The following COL23A1 variants were observed in gnomAD, a reference collection of about 807,000 sequenced individuals.
COL23A1 encodes the protein collagen alpha-1(XXIII) chain.
In COL23A1, 97 loss-of-function variants were observed where a neutral mutation model predicts 99.3. That is an observed-to-expected ratio of 0.98 (90% CI 0.83 to 1.16). COL23A1 has a LOEUF of 1.16. Ranked by LOEUF, COL23A1 falls within the 50% of genes most tolerant of loss-of-function variation. The probability of loss-of-function intolerance (pLI) is 0.00; values close to 1 mark genes in which losing one functional copy is unlikely to be tolerated. For missense variants in COL23A1, 762 were observed against 757.4 expected (o/e 1.01, Z -0.07); for synonymous variants, 320 against 308.2 (o/e 1.04, Z -0.40).
At chr5:178,435,479 G>A (rs1766506731) in intron 2 of COL23A1, among the ~76,000 whole-genome samples, 1 of 152,220 alleles carries the variant, frequency 6.6e-6, no homozygotes, top group Admixed American at 6.5e-5. Flanking sequence ...GCCCAGCCCT[G>A]GGGTGCAGAC....
chr5:178,487,690 A>C (rs920339440), intron 2 of COL23A1, among the ~76,000 whole-genome samples: 6 of 152,196 alleles, frequency 3.9e-5, no homozygotes, highest in South Asian at 2.1e-4. Context: ...GAAAACTGGG[A>C]GGATGGATAA....
chr5:178,476,905 T>C lies in COL23A1; in HGVS notation c.361+83777A>G, dbSNP rs539680590. Among the ~76,000 whole-genome samples the C allele has an allele frequency of 1.4e-4, 22 of 152,350 alleles. No individual in the cohort carries two copies. In the South Asian group the frequency reaches 2.5e-3, roughly 17 times the overall value. ...CATGACTTAAACTACTTCTCTGAGA[T>C]TCCAAATATAAAGTGGTAGAGCCAG... On this transcript the variant is annotated intron_variant, in intron 2 of 28. Transcript: ENST00000390654.
At chr5:178,333,902 C>T (rs1264951648) in intron 2 of COL23A1, among the ~76,000 whole-genome samples, 4 of 152,134 alleles carry the variant, frequency 2.6e-5, no homozygotes, top group African/African-American at 7.2e-5. Context: ...GGACAGGGCC[C>T]GTGAGGTAGC....
chr5:178,249,960 T>C lies in COL23A1; in HGVS notation c.1059+101A>G, dbSNP rs1764940802. On this transcript the variant is annotated intron_variant, in intron 18 of 28. Transcript: ENST00000390654. ...TTGATTTTCTCACACATGGTGTTTC[T>C]CTAACTCTGTGCACACATGCACACG... 3.5e-6 allele frequency: 5 copies of C among 1,440,256 alleles called. No homozygotes were observed. The Admixed American group carries it at 8.5e-5, about 25-fold the overall frequency. The allele number at this position is 1,440,256 out of a possible 1,614,324, so 89.2% of individuals were successfully genotyped here. A position where few individuals can be genotyped will look rare whatever the true frequency, so the allele number is the denominator to read the frequency against.
At chr5:178,514,422 C>T (rs1004859345) in intron 2 of COL23A1, among the ~76,000 whole-genome samples, 6 of 152,194 alleles carry the variant, frequency 3.9e-5, no homozygotes, top group African/African-American at 1.4e-4. Flanking sequence ...GGAGTATATC[C>T]CCAACAGTGG....
intron 2 of COL23A1, among the ~76,000 whole-genome samples, chr5:178,548,067 T>C (rs1448270288): frequency 4.1e-3 from 28 of 6,764 alleles, no homozygotes; most frequent in Admixed American, 4.7e-3. Flanking sequence ...ATACCCCCCC[T>C]CACCCCCACA....
At chr5:178,358,286 G>GTA (rs1761901485) in intron 2 of COL23A1, among the ~76,000 whole-genome samples, 2 of 131,220 alleles carry the variant, frequency 1.5e-5, no homozygotes, top group African/African-American at 6.3e-5. Context: ...GTGTATGCGT[G>GTA]TGCGTATATG....
intron 2 of COL23A1, among the ~76,000 whole-genome samples, chr5:178,358,564 A>G (rs577350750): frequency 8.3e-5 from 11 of 132,840 alleles, no homozygotes; most frequent in East Asian, 6.7e-4. Flanking sequence ...GTACGTGTGT[A>G]TGTCTAATGT....
At chr5:178,579,183 C>T (rs1214900152) in intron 1 of COL23A1, among the ~76,000 whole-genome samples, 1 of 152,084 alleles carries the variant, frequency 6.6e-6, no homozygotes, top group Non-Finnish European at 1.5e-5. Context: ...CATGGGACCT[C>T]GATTAGCAAA....
At chr5:178,552,263 C>G (rs529428882) in intron 2 of COL23A1, among the ~76,000 whole-genome samples, 2 of 152,184 alleles carry the variant, frequency 1.3e-5, no homozygotes, top group South Asian at 4.2e-4. Context: ...AATAGCTCCC[C>G]CAGGACCAGC....
chr5:178,580,384 C>G (rs1176758098), intron 1 of COL23A1, among the ~76,000 whole-genome samples: 3 of 149,666 alleles, frequency 2.0e-5, no homozygotes, highest in African/African-American at 7.3e-5. Flanking sequence ...CTGCCCAGGA[C>G]ACACATGGGA....
rs934702176 is a variant in COL23A1, at chr5:178,544,022, C to T, written c.361+16660G>A. On this transcript the variant is annotated intron_variant, in intron 2 of 28. Transcript: ENST00000390654. The surrounding 1 kb of genome is among the most constrained non-coding windows in gnomAD (Gnocchi z 4.4). ...GGCACTAATCCCATCACAAGGGCTC[C>T]ACTCTCATACCCTAATCACCTCCTA... 6.6e-6 allele frequency among the ~76,000 whole-genome samples: 1 copy of T among 152,052 alleles called. No individual in the cohort carries two copies. The highest frequency in any genetic ancestry group is 6.6e-5 in the Admixed American group (1 of 15,256).
rs986400377 is a variant in COL23A1 at position 178,340,779 on chromosome 5, G to A, written c.362-33860C>T. On this transcript the variant is annotated intron_variant, in intron 2 of 28. Coordinates refer to ENST00000390654, the MANE Select transcript of COL23A1 (RefSeq NM_173465.4). This position sits in a 1 kb window ranked among gnomAD's most constrained non-coding sequence, Gnocchi z 4.7. ...CGGGAATGGAGGTGGCCGGGGCAAG[G>A]CCTGGCTTTTCTTACATGGTGCTCC... 1.6e-4 allele frequency among the ~76,000 whole-genome samples: 24 copies of A among 152,254 alleles called. No homozygotes were observed. The highest frequency in any genetic ancestry group is 5.5e-4 in the African/African-American group (23 of 41,470).
intron 2 of COL23A1, among the ~76,000 whole-genome samples, chr5:178,545,258 C>G (rs920686954): frequency 6.6e-6 from 1 of 152,182 alleles, no homozygotes; most frequent in East Asian, 1.9e-4. Flanking sequence ...AGCCCCCACG[C>G]CCCTCACAGT....
At chr5:178,475,019 A>G (rs887278853) in intron 2 of COL23A1, among the ~76,000 whole-genome samples, 5 of 152,050 alleles carry the variant, frequency 3.3e-5, no homozygotes, top group Non-Finnish European at 7.4e-5. Context: ...GGCTTTGTAG[A>G]TCCATCACTG....
chr5:178,564,920 C>T (rs1203539409), intron 1 of COL23A1, among the ~76,000 whole-genome samples: 1 of 152,206 alleles, frequency 6.6e-6, no homozygotes. Context: ...AAAATTCCTA[C>T]TCTGGAGAAT....
rs571027566 is a variant in COL23A1, at chr5:178,280,667, T to C, written c.441+7657A>G. The stretch of plus-strand genomic sequence containing the variant: ...GATGCTGTGGGGCTGGTCTGTTGCC[T>C]GGGGAAGTGGGAGGCGGTTCCAGCC... On this transcript the variant is annotated intron_variant, in intron 5 of 28. Transcript: ENST00000390654. This position sits in a 1 kb window ranked among gnomAD's most constrained non-coding sequence, Gnocchi z 4.9. Among the ~76,000 whole-genome samples the C allele has an allele frequency of 1.3e-3, 196 of 152,240 alleles. No individual in the cohort carries two copies. Among genetic ancestry groups the C allele is most frequent in the Non-Finnish European group, 2.4e-3 (165 of 68,012 alleles).
At chr5:178,315,152 C>T (rs562020749) in intron 2 of COL23A1, among the ~76,000 whole-genome samples, 201 of 152,196 alleles carry the variant, frequency 1.3e-3, no homozygotes, top group African/African-American at 4.7e-3. Context: ...GAGTTAGGAG[C>T]GGATTTAGTT....
intron 2 of COL23A1, among the ~76,000 whole-genome samples, chr5:178,546,276 C>T (rs988732997): frequency 6.6e-6 from 1 of 152,160 alleles, no homozygotes; most frequent in African/African-American, 2.4e-5. Context: ...TCCTAGATCC[C>T]GTTCCTGCCT....
Sources: allele counts gnomAD v4.1 joint callset (sites outside exome capture counted in the v4.1 genomes callset), GRCh38; gene constraint gnomAD v4.1.1; non-coding constraint Gnocchi (gnomAD v3.1); transcripts MANE v1.5; gene names NCBI Gene and HGNC (gene_info 2026-07-23, HGNC 2026-07-21).